The following NCEH1 variants were observed in gnomAD, a reference collection of about 807,000 sequenced individuals.
The protein encoded by NCEH1 is 2-acetyl MAGE hydrolase.
NCEH1 carries 9 observed loss-of-function variants against 25.4 expected under a neutral mutation model. That is an observed-to-expected ratio of 0.35 (90% CI 0.21 to 0.62). The LOEUF (loss-of-function observed/expected upper bound fraction) is 0.62, where lower values mean the gene tolerates loss of function less well. Ranked by LOEUF, NCEH1 falls within the 20% of genes least tolerant of loss-of-function variation. NCEH1 has a pLI of 0.72. For synonymous variants in NCEH1, 200 were observed against 199.8 expected (o/e 1.00, Z -0.01); for missense variants, 412 against 501.1 (o/e 0.82, Z 1.70).
intron 1 of NCEH1, among the ~76,000 whole-genome samples, chr3:172,690,457 A>G (rs1474490928): frequency 6.6e-6 from 1 of 152,232 alleles, no homozygotes; most frequent in Non-Finnish European, 1.5e-5. Context: ...GTGTAGCAAA[A>G]TCAACATTCT....
intron 1 of NCEH1, among the ~76,000 whole-genome samples, chr3:172,675,604 A>C (rs761746068): frequency 6.6e-6 from 1 of 152,244 alleles, no homozygotes; most frequent in Non-Finnish European, 1.5e-5. Context: ...AATTGTCAAA[A>C]TTAATGCTAA....
chr3:172,692,098 C>G (rs1315917591), intron 1 of NCEH1, among the ~76,000 whole-genome samples: 2 of 152,070 alleles, frequency 1.3e-5, no homozygotes, highest in Admixed American at 1.3e-4. Context: ...ATTCAAGAAG[C>G]CTTTGTCTCC....
At chr3:172,637,627 G>A (rs2108488994) in intron 3 of NCEH1, among the ~76,000 whole-genome samples, 1 of 151,596 alleles carries the variant, frequency 6.6e-6, no homozygotes, top group South Asian at 2.1e-4. Context: ...GGTGGCTTAG[G>A]TCTGTAATCC....
rs540427923 is a variant in NCEH1 at position 172,677,883 on chromosome 3, G to C, written c.139-29769C>G. ...GCGGAGCCTGCAGTGAGCTGAGATCGTGCCACTGCACTCCAGCCTGGGCGA... is the reference window on the plus strand; with the variant it reads ...GCGGAGCCTGCAGTGAGCTGAGATCCTGCCACTGCACTCCAGCCTGGGCGA... On this transcript the variant is annotated intron_variant, in intron 1 of 4. Transcript: ENST00000475381. 5.0e-3 allele frequency among the ~76,000 whole-genome samples: 761 copies of C among 152,326 alleles called. 7 individuals are homozygous for C. Among genetic ancestry groups the C allele is most frequent in the African/African-American group, 0.017 (717 of 41,578 alleles).
At chr3:172,693,194 A>G (rs1713161669) in intron 1 of NCEH1, among the ~76,000 whole-genome samples, 1 of 152,350 alleles carries the variant, frequency 6.6e-6, no homozygotes, top group African/African-American at 2.4e-5. Flanking sequence ...GTAGCCAATA[A>G]ATGTCTGCTG....
At chr3:172,681,649 G>A (rs897804723) in intron 1 of NCEH1, among the ~76,000 whole-genome samples, 3 of 151,408 alleles carry the variant, frequency 2.0e-5, no homozygotes, top group Non-Finnish European at 2.9e-5. Context: ...CAACACTGTG[G>A]GAGGCCAAGG....
At chr3:172,709,883 TG>T (rs921930161) in intron 1 of NCEH1, among the ~76,000 whole-genome samples, 8 of 152,298 alleles carry the variant, frequency 5.3e-5, no homozygotes, top group African/African-American at 1.9e-4. Context: ...GGCTTGGTTT[TG>T]GAGAAGGTTA....
At chr3:172,681,941 T>C (rs1712404872) in intron 1 of NCEH1, among the ~76,000 whole-genome samples, 1 of 151,992 alleles carries the variant, frequency 6.6e-6, no homozygotes, top group African/African-American at 2.4e-5. Flanking sequence ...CACTCCTTTT[T>C]CAAAGAAAAA....
intron 1 of NCEH1, among the ~76,000 whole-genome samples, chr3:172,678,568 T>G (rs184561075): frequency 7.2e-5 from 11 of 152,322 alleles, no homozygotes; most frequent in Admixed American, 7.2e-4. Flanking sequence ...AATCAAAATA[T>G]CTATACAACA....
At chr3:172,696,201 A>AACACAGAT (rs923501660) in intron 1 of NCEH1, among the ~76,000 whole-genome samples, 6 of 152,150 alleles carry the variant, frequency 3.9e-5, no homozygotes, top group African/African-American at 1.2e-4. Flanking sequence ...ATAAGAAACT[A>AACACAGAT]ACACAGATGT....
intron 1 of NCEH1, among the ~76,000 whole-genome samples, chr3:172,656,308 G>C (rs1717691011): frequency 6.6e-6 from 1 of 152,188 alleles, no homozygotes; most frequent in African/African-American, 2.4e-5. Flanking sequence ...GGAATTGAGT[G>C]AATTGAGATC....
chr3:172,669,989 A>C (rs1711520358), intron 1 of NCEH1, among the ~76,000 whole-genome samples: 1 of 152,236 alleles, frequency 6.6e-6, no homozygotes, highest in Non-Finnish European at 1.5e-5. Flanking sequence ...AATATAGAAA[A>C]ATAAGAAAAG....
intron 1 of NCEH1, among the ~76,000 whole-genome samples, chr3:172,707,624 T>C (rs538626538): frequency 2.0e-5 from 3 of 152,260 alleles, no homozygotes; most frequent in Non-Finnish European, 2.9e-5. Flanking sequence ...CTCACACTGT[T>C]GCCCAGGCTG....
intron 2 of NCEH1, 125 bp downstream of exon 2, chr3:172,647,761 G>T: frequency 7.4e-7 from 1 of 1,343,186 alleles, no homozygotes. Context: ...AGGGGTAACT[G>T]GGACCATCCA....
Position 172,661,536 on chromosome 3 carries a change from G to A in NCEH1, c.139-13422C>T, listed in dbSNP as rs1382523329. Among the ~76,000 whole-genome samples, 4 of 152,256 alleles carry A rather than the reference G, an allele frequency of 2.6e-5. No individual in the cohort carries two copies. In the East Asian group the frequency reaches 7.7e-4, roughly 29 times the overall value. On this transcript the variant is annotated intron_variant, in intron 1 of 4. Transcript: ENST00000475381. Reference sequence around the variant, plus strand: ...AGTCATTGGTAGCTTGATGGGGATGGCATGGAATTTATAAATTTCCTTGGG... The same window carrying A: ...AGTCATTGGTAGCTTGATGGGGATGACATGGAATTTATAAATTTCCTTGGG...
intron 1 of NCEH1, among the ~76,000 whole-genome samples, chr3:172,698,323 C>T (rs565814681): frequency 4.6e-5 from 7 of 152,162 alleles, no homozygotes; most frequent in South Asian, 2.1e-4. Flanking sequence ...TCAGGAAGCC[C>T]GGATAATTGC....
rs1395939506 is a variant in NCEH1 at position 172,630,911 on chromosome 3, C to T, written c.*2564G>A. 1.3e-5 allele frequency: 2 copies of T among 151,628 alleles called. No homozygotes were observed. The highest frequency in any genetic ancestry group is 2.9e-5 in the Non-Finnish European group (2 of 67,952). The allele number at this position is 151,628 out of a possible 1,614,324, so 9.4% of individuals were successfully genotyped here. On this transcript the variant is annotated 3_prime_UTR_variant, in exon 5 of 5. Coordinates refer to ENST00000475381, the MANE Select transcript of NCEH1 (RefSeq NM_020792.6). ...AAACATTAATTTATACTTCACTATA[C>T]AGCACTTCAAGGTTTTTCTTTATAT...
At chr3:172,652,551 T>C (rs1197536717) in intron 1 of NCEH1, among the ~76,000 whole-genome samples, 3 of 152,116 alleles carry the variant, frequency 2.0e-5, no homozygotes, top group Non-Finnish European at 2.9e-5. Flanking sequence ...CAGTGATGAG[T>C]GGGAATTCCT....
At chr3:172,678,685 T>A (rs1712158796) in intron 1 of NCEH1, among the ~76,000 whole-genome samples, 1 of 150,492 alleles carries the variant, frequency 6.6e-6, no homozygotes, top group South Asian at 2.1e-4. Flanking sequence ...ATTCAAACAT[T>A]TAAAAAATTT....
Sources: allele counts gnomAD v4.1 joint callset (sites outside exome capture counted in the v4.1 genomes callset), GRCh38; gene constraint gnomAD v4.1.1; transcripts MANE v1.5; gene names NCBI Gene and HGNC (gene_info 2026-07-23, HGNC 2026-07-21).